Variants in USP26 observed in about 807,000 individuals in gnomAD.
USP26 encodes the protein ubiquitin carboxyl-terminal hydrolase 26.
For missense variants in USP26, 649 were observed against 642.3 expected (o/e 1.01, Z -0.11); for synonymous variants, 236 against 240.6 (o/e 0.98, Z 0.18).
At chrX:133,061,011 C>A (rs962529931) in intron 5 of USP26, among the ~76,000 whole-genome samples, 2 of 111,603 alleles carry the variant, frequency 1.8e-5, no homozygotes, top group Non-Finnish European at 3.8e-5. Context: ...AAATATTATG[C>A]CATTTTACAT....
At chrX:133,065,332 C>T (rs973090197) in intron 5 of USP26, among the ~76,000 whole-genome samples, 2 of 111,667 alleles carry the variant, frequency 1.8e-5, no homozygotes, top group Non-Finnish European at 3.8e-5. Context: ...CTTCTGAAAC[C>T]ATTCCAAACA....
At chrX:133,062,529 G>A (rs940856994) in intron 5 of USP26, among the ~76,000 whole-genome samples, 4 of 111,883 alleles carry the variant, frequency 3.6e-5, no homozygotes, top group Admixed American at 9.4e-5. Context: ...GCAACAGGCC[G>A]GCACCCTTCT....
intron 5 of USP26, among the ~76,000 whole-genome samples, chrX:133,078,777 T>C (rs1425884001): frequency 8.9e-6 from 1 of 112,049 alleles, no homozygotes; most frequent in Non-Finnish European, 1.9e-5. Flanking sequence ...TTGTCTTCAG[T>C]AATATAATTT....
chrX:133,063,868 C>T (rs2067502615), intron 5 of USP26, among the ~76,000 whole-genome samples: 1 of 112,022 alleles, frequency 8.9e-6, no homozygotes, highest in African/African-American at 3.3e-5. Context: ...AGATCAAATT[C>T]ACACACAAAA....
chrX:133,051,700 C>G (rs1215074684), intron 5 of USP26, among the ~76,000 whole-genome samples: 1 of 112,284 alleles, frequency 8.9e-6, no homozygotes, highest in Non-Finnish European at 1.9e-5. Context: ...TTACTACCAT[C>G]ACATTTTCTG....
chrX:133,082,414 C>A (rs191811341), intron 5 of USP26, among the ~76,000 whole-genome samples: 1 of 111,896 alleles, frequency 8.9e-6, no homozygotes, highest in African/African-American at 3.2e-5. Context: ...CATCTTAAAG[C>A]CTTTTAGTGC....
At chrX:133,043,642 A>G (rs2067427019) in intron 5 of USP26, among the ~76,000 whole-genome samples, 1 of 112,506 alleles carries the variant, frequency 8.9e-6, no homozygotes, top group Non-Finnish European at 1.9e-5. Flanking sequence ...GCAGTGGCTC[A>G]TGCCTGTAAT....
chrX:133,069,871 G>A (rs1258792737), intron 5 of USP26, among the ~76,000 whole-genome samples: 1 of 111,617 alleles, frequency 9.0e-6, no homozygotes, highest in Non-Finnish European at 1.9e-5. Context: ...AAAGGGCAGA[G>A]GGCAGAATGT....
chrX:133,052,002 T>C (rs978230088), intron 5 of USP26, among the ~76,000 whole-genome samples: 9 of 112,191 alleles, frequency 8.0e-5, no homozygotes, highest in African/African-American at 2.9e-4. Context: ...CTATTTTACA[T>C]TCAAGGTTTG....
chrX:133,045,591 C>CA (rs2067436345), intron 5 of USP26, among the ~76,000 whole-genome samples: 1 of 111,823 alleles, frequency 8.9e-6, no homozygotes, highest in African/African-American at 3.3e-5. Flanking sequence ...GCCATCAAGA[C>CA]CACGAACCCA....
intron 5 of USP26, among the ~76,000 whole-genome samples, chrX:133,032,442 C>T (rs1372516443): frequency 8.9e-6 from 1 of 111,884 alleles, no homozygotes; most frequent in East Asian, 2.8e-4. Context: ...GCCAGCATGA[C>T]TGGAGCATGG....
intron 5 of USP26, among the ~76,000 whole-genome samples, chrX:133,082,743 T>C (rs1409294017): frequency 9.0e-6 from 1 of 111,715 alleles, no homozygotes; most frequent in African/African-American, 3.3e-5. Context: ...GTCCCAGAGC[T>C]GGACTCTCAG....
chrX:133,067,793 G>A (rs1185814407), intron 5 of USP26, among the ~76,000 whole-genome samples: 3 of 111,826 alleles, frequency 2.7e-5, no homozygotes, highest in Non-Finnish European at 5.6e-5. Flanking sequence ...AAACCTAGAT[G>A]ATGTGTTGAT....
chrX:133,052,253 C>G (rs2067461655), intron 5 of USP26, among the ~76,000 whole-genome samples: 1 of 111,957 alleles, frequency 8.9e-6, no homozygotes, highest in Non-Finnish European at 1.9e-5. Context: ...ATAGTGGAGT[C>G]TGAATTCAAG....
intron 5 of USP26, among the ~76,000 whole-genome samples, chrX:133,042,876 C>G (rs932252718): frequency 1.8e-5 from 2 of 110,550 alleles, no homozygotes; most frequent in African/African-American, 6.6e-5. Flanking sequence ...GACCTGGAAC[C>G]AATTTTGACA....
At chrX:133,035,584 C>G (rs887758318) in intron 5 of USP26, among the ~76,000 whole-genome samples, 1 of 111,696 alleles carries the variant, frequency 9.0e-6, no homozygotes, top group Non-Finnish European at 1.9e-5. Flanking sequence ...TCTGTGGAGA[C>G]TAATTTAGCC....
At chrX:133,092,223 C>T (rs901615336) in intron 1 of USP26, among the ~76,000 whole-genome samples, 4 of 111,600 alleles carry the variant, frequency 3.6e-5, no homozygotes, top group Non-Finnish European at 7.5e-5. Context: ...TTTAATCAAA[C>T]ATTATAGGGG....
intron 1 of USP26, among the ~76,000 whole-genome samples, chrX:133,096,461 A>T (rs1404764694): frequency 1.8e-5 from 2 of 111,414 alleles, no homozygotes; most frequent in African/African-American, 6.5e-5. Flanking sequence ...GAAAGAACCG[A>T]CTCCAAAAGA....
intron 5 of USP26, among the ~76,000 whole-genome samples, chrX:133,078,745 T>C (rs1290614354): frequency 1.8e-5 from 2 of 112,302 alleles, no homozygotes; most frequent in African/African-American, 3.2e-5. Flanking sequence ...ACTGTCTGCA[T>C]GGACAAGATT....
Sources: gnomAD v4.1 joint callset for allele counts (sites outside exome capture counted in the v4.1 genomes callset) on GRCh38, gnomAD v4.1.1 for gene constraint, MANE v1.5 for transcripts, NCBI Gene and HGNC (gene_info 2026-07-23, HGNC 2026-07-21) for gene names.